KRT222: variants seen among roughly 807,000 people sequenced by gnomAD.
KRT222 encodes the protein keratin 222.
A neutral mutation model predicts 35.0 loss-of-function variants in KRT222; 23 were observed. That is an observed-to-expected ratio of 0.66 (90% confidence interval 0.47 to 0.93). The LOEUF (loss-of-function observed/expected upper bound fraction) is 0.93. Ranked by LOEUF, KRT222 falls within the 40% of genes least tolerant of loss-of-function variation. The pLI is 0.00. For missense variants in KRT222, 339 were observed against 346.3 expected, an observed-to-expected ratio of 0.98 and a Z score of 0.17; for synonymous variants, 108 against 118.8, an observed-to-expected ratio of 0.91 and a Z score of 0.59.
chr17:40,663,121 A>C (rs1208896210), intron 1 of KRT222, among the ~76,000 whole-genome samples: 1 of 152,188 alleles, frequency 6.6e-6, no homozygotes, highest in Non-Finnish European at 1.5e-5. Flanking sequence ...CAGAAGGTAA[A>C]GTAAGGAATT....
In KRT222 at chr17:40,662,016, T is replaced by C; in HGVS notation, c.125A>G (p.Asp42Gly). ...TGCCTTCAAAGCCTCTTCATCTTTG[T>C]CCATTTTTTTGCTTATGTCTTCTTC... ...QLEEDISKKM[D>G]KDEEALKAAQ... The change falls in exon 2 of 6, where the codon GAC becomes GGC. Residue 42 changes from aspartate (D) to glycine (G), a missense_variant. Physicochemically the swap from Asp to Gly is moderately conservative, Grantham distance 94 (BLOSUM62 -1). Coordinates refer to ENST00000394052, the MANE Select transcript of KRT222 (RefSeq NM_152349.3). 2.5e-6 allele frequency: 4 copies of C among 1,614,104 alleles called. No individual in the cohort carries two copies. Among genetic ancestry groups the C allele is most frequent in the Non-Finnish European group, 3.4e-6 (4 of 1,180,018 alleles).
chr17:40,664,389 T>C (rs2037406827), intron 1 of KRT222, among the ~76,000 whole-genome samples: 1 of 152,198 alleles, frequency 6.6e-6, no homozygotes, highest in South Asian at 2.1e-4. Flanking sequence ...GAAATGTTTC[T>C]CATCTTATAG....
In KRT222 at chr17:40,657,749, A is replaced by G. The variant is rs2037355627; in HGVS notation, c.448T>C (p.Tyr150His). 1.9e-6 allele frequency: 3 copies of G among 1,604,272 alleles called. No homozygotes were observed. The highest frequency in any genetic ancestry group is 2.6e-6 in the Non-Finnish European group (3 of 1,172,576). ...TTCCCACCTTGGATACAACCATAAT[A>G]TCTGAAATCAGAAAGAATTTTATTT... ...RHLLEKEEIR[Y>H]YGCIQGGKKD... is the part of the protein sequence containing the mutation. Residue 150 changes from tyrosine (Y) to histidine (H), a missense_variant and splice_region_variant, in exon 4 of 6, where the codon TAT (tyrosine) becomes CAT (histidine). Coordinates refer to ENST00000394052, the MANE Select transcript of KRT222 (RefSeq NM_152349.3).
Position 40,657,700 on chromosome 17 carries a change from C to G in KRT222, c.497G>C (p.Ser166Thr), listed in dbSNP as rs1037473585. 1 of 1,612,640 alleles carries G rather than the reference C, an allele frequency of 6.2e-7. No homozygotes were observed. Among genetic ancestry groups the G allele is most frequent in the Admixed American group, 1.7e-5 (1 of 59,922 alleles). Residue 166 changes from serine (S) to threonine (T), a missense_variant, in exon 4 of 6, where the codon AGT becomes ACT. Coordinates refer to ENST00000394052, the MANE Select transcript of KRT222 (RefSeq NM_152349.3). Reference protein sequence around the residue: ...GGKKDKKPTTSRVGFVLPSAI... With the variant: ...GGKKDKKPTTTRVGFVLPSAI... ...TGATGGTAAAACAAAACCAACTCTA[C>G]TTGTGGTAGGCTTTTTGTCTTTTTT...
In KRT222 at chr17:40,660,050, G is replaced by C. The variant is rs751939529; in HGVS notation, c.383C>G (p.Thr128Arg). Residue 128 changes from threonine (T) to arginine (R), a missense_variant, in exon 3 of 6, where the codon ACG becomes AGG. Physicochemically the swap from Thr to Arg is moderately conservative, Grantham distance 71. Transcript: ENST00000394052. ...TATTTCTTGTTCCAGCCTCATCTTC[G>C]TGTTGAGAAGCATCTCGTGCTCTTG... Reference protein sequence around the residue: ...QLQEHEMLLNTKMRLEQEIAT... With the variant: ...QLQEHEMLLNRKMRLEQEIAT... 1.2e-5 allele frequency: 19 copies of C among 1,614,088 alleles called. No homozygotes were observed. In the South Asian group the frequency reaches 2.1e-4, roughly 18 times the overall value.
At position 40,659,164 on chromosome 17, in the gene KRT222, T is replaced by C. The variant is rs867916033; in HGVS notation, c.446+823A>G. Reference sequence around the variant, plus strand: ...GTCTCTCTCTCTCTCTCTCTTTTTTTTTTTTTTTTGAGGTGGAGTCTCACT... The same window carrying C: ...GTCTCTCTCTCTCTCTCTCTTTTTTCTTTTTTTTTGAGGTGGAGTCTCACT... On this transcript the variant is annotated intron_variant, in intron 3 of 5. Coordinates refer to ENST00000394052, the MANE Select transcript of KRT222 (RefSeq NM_152349.3). Among the ~76,000 whole-genome samples, 766 of 151,478 alleles carry C rather than the reference T, an allele frequency of 5.1e-3. 5 individuals are homozygous for C. The highest frequency in any genetic ancestry group is 0.018 in the African/African-American group (739 of 41,344).
At chr17:40,659,450 C>T (rs933891971) in intron 3 of KRT222, among the ~76,000 whole-genome samples, 13 of 152,184 alleles carry the variant, frequency 8.5e-5, no homozygotes, top group African/African-American at 2.9e-4. Flanking sequence ...GCTGAGATTA[C>T]AGGCGTGAGC....
chr17:40,657,323 T>C, intron 5 of KRT222, 29 bp downstream of exon 5: 3 of 1,439,148 alleles, frequency 2.1e-6, no homozygotes, highest in Non-Finnish European at 2.8e-6. Context: ...TATTTATTAT[T>C]ATTTCTTAGT....
Position 40,656,709 on chromosome 17 carries a change from T to C in KRT222, c.660-79A>G, listed in dbSNP as rs2037347134. 22 of 735,068 alleles carry C rather than the reference T, an allele frequency of 3.0e-5. 1 individual carries two copies. Among genetic ancestry groups the C allele is most frequent in the Non-Finnish European group, 6.6e-6 (3 of 455,028 alleles). The allele number at this position is 735,068 out of a possible 1,614,324, so 45.5% of individuals were successfully genotyped here. Reference sequence around the variant, plus strand: ...ATATGTATTATATATTTCATATCTATGGAAAAATCAAGAAATTTGTATAAT... The same window carrying C: ...ATATGTATTATATATTTCATATCTACGGAAAAATCAAGAAATTTGTATAAT... On this transcript the variant is annotated intron_variant, in intron 5 of 5. Transcript: ENST00000394052.
At chr17:40,664,874 C>T in intron 1 of KRT222, 130 bp downstream of exon 1, 1 of 1,499,478 alleles carries the variant, frequency 6.7e-7, no homozygotes, top group Non-Finnish European at 9.0e-7. Flanking sequence ...GCAGTAGAAG[C>T]TAAATTCCTT....
At position 40,656,376 on chromosome 17, in the gene KRT222, C is replaced by T. The variant is rs1567852473; in HGVS notation, c.*26G>A. On this transcript the variant is annotated 3_prime_UTR_variant, in exon 6 of 6. Transcript: ENST00000394052. The stretch of plus-strand genomic sequence containing the variant: ...CACCTTGGTCCATCCTAACATTTTC[C>T]AATCAAGTCAAATACTATCTTTGGA... The T allele has an allele frequency of 6.3e-7, 1 of 1,581,296 alleles. No individual in the cohort carries two copies. The highest frequency in any genetic ancestry group is 8.7e-7 in the Non-Finnish European group (1 of 1,150,610).
rs1325396968 is a variant in KRT222, at chr17:40,660,162, G to C, written c.271C>G (p.Gln91Glu). 3.1e-6 allele frequency: 5 copies of C among 1,614,036 alleles called. No individual in the cohort carries two copies. The South Asian group carries it at 5.5e-5, about 18-fold the overall frequency. Residue 91 changes from glutamine (Q) to glutamate (E), a missense_variant, in exon 3 of 6, where the codon CAG (glutamine) becomes GAG (glutamate). Coordinates refer to ENST00000394052, the MANE Select transcript of KRT222 (RefSeq NM_152349.3). ...GTCTCTAGGTCTTGCAGCTGCATCT[G>C]GTAATGCTGCTCGCTGGCATGTAGG... Reference protein sequence around the residue: ...NSLHASEQHYQMQLQDLETVI... With the variant: ...NSLHASEQHYEMQLQDLETVI...
At position 40,656,501 on chromosome 17, in the gene KRT222, T is replaced by C; in HGVS notation, c.789A>G (p.Leu263=). The C allele has an allele frequency of 6.2e-7, 1 of 1,613,818 alleles. No individual in the cohort carries two copies. Among genetic ancestry groups the C allele is most frequent in the East Asian group, 2.2e-5 (1 of 44,828 alleles). Residue 263 remains leucine, a synonymous_variant, in exon 6 of 6, where the codon TTA becomes TTG. Coordinates refer to ENST00000394052, the MANE Select transcript of KRT222 (RefSeq NM_152349.3). The part of the protein sequence containing the change: ...LHLAATDEGC[L]ETKQDNLPDI... Reference sequence around the variant, plus strand: ...CTGGTAGATTATCCTGCTTAGTCTCTAAACACCCTTCATCAGTGGCTGCTA... The same window carrying C: ...CTGGTAGATTATCCTGCTTAGTCTCCAAACACCCTTCATCAGTGGCTGCTA...
chr17:40,657,290 C>A (rs183058407), intron 5 of KRT222, 62 bp downstream of exon 5: 1 of 1,158,892 alleles, frequency 8.6e-7, no homozygotes, highest in Admixed American at 3.1e-5. Context: ...ACTGGGATTA[C>A]GCAAAGTTAA....
chr17:40,661,091 T>G (rs1234580932), intron 2 of KRT222, among the ~76,000 whole-genome samples: 1 of 148,220 alleles, frequency 6.7e-6, no homozygotes, highest in South Asian at 2.2e-4. Context: ...ATTACAGGCG[T>G]GTGCCACCAT....
Position 40,660,057 on chromosome 17 carries a change from G to C in KRT222, c.376C>G (p.Leu126Val). The C allele has an allele frequency of 6.2e-7, 1 of 1,614,132 alleles. No individual in the cohort carries two copies. Among genetic ancestry groups the C allele is most frequent in the Non-Finnish European group, 8.5e-7 (1 of 1,180,024 alleles). The change falls in exon 3 of 6, where the codon CTC becomes GTC. Residue 126 changes from leucine (L) to valine (V), a missense_variant. By Grantham distance (32) the Leu-to-Val change is conservative. Coordinates refer to ENST00000394052, the MANE Select transcript of KRT222 (RefSeq NM_152349.3). ...EKQLQEHEML[L>V]NTKMRLEQEI... ...TGTTCCAGCCTCATCTTCGTGTTGA[G>C]AAGCATCTCGTGCTCTTGAAGCTGC... is the stretch of plus-strand genomic sequence containing the variant.
At chr17:40,659,372 G>C (rs980260521) in intron 3 of KRT222, among the ~76,000 whole-genome samples, 1 of 151,610 alleles carries the variant, frequency 6.6e-6, no homozygotes, top group Non-Finnish European at 1.5e-5. Context: ...ACAGGGTTTC[G>C]CCATGTTGGC....
chr17:40,662,818 C>T (rs573096333), intron 1 of KRT222, among the ~76,000 whole-genome samples: 2 of 152,132 alleles, frequency 1.3e-5, no homozygotes, highest in Non-Finnish European at 2.9e-5. Context: ...GAATTTTTAA[C>T]ATTTGGCCCC....
Position 40,655,751 on chromosome 17 carries a change from AG to A in KRT222, c.*650del, listed in dbSNP as rs1382578378. 1 of 152,134 alleles carries A rather than the reference AG, an allele frequency of 6.6e-6. No homozygotes were observed. Among genetic ancestry groups the A allele is most frequent in the African/African-American group, 2.4e-5 (1 of 41,430 alleles). The allele number at this position is 152,134 out of a possible 1,614,324, so 9.4% of individuals were successfully genotyped here. A position where few individuals can be genotyped will look rare whatever the true frequency, so the allele number is the denominator to read the frequency against. ...CAAAAAAAACCTTTTAGATATATGT[AG>A]ATTAACTTAATTGTACTTATCTCAA... On this transcript the variant is annotated 3_prime_UTR_variant, in exon 6 of 6. Coordinates refer to ENST00000394052, the MANE Select transcript of KRT222 (RefSeq NM_152349.3).
Sources: gnomAD v4.1 joint callset for allele counts (sites outside exome capture counted in the v4.1 genomes callset) on GRCh38, gnomAD v4.1.1 for gene constraint, MANE v1.5 for transcripts, NCBI Gene and HGNC (gene_info 2026-07-23, HGNC 2026-07-21) for gene names.